NFIB: variants seen among roughly 807,000 people sequenced by gnomAD.
NFIB encodes nuclear factor 1 B-type.
A neutral mutation model predicts 61.5 loss-of-function variants in NFIB; 11 were observed. The observed-to-expected ratio is 0.18, with a 90% CI of 0.11 to 0.30. The LOEUF (loss-of-function observed/expected upper bound fraction) is 0.30, where lower values mean the gene tolerates loss of function less well. NFIB is among the 10% of genes least tolerant of loss of function. The probability of loss-of-function intolerance (pLI) is 1.00; values close to 1 mark genes in which losing one functional copy is unlikely to be tolerated. For synonymous variants in NFIB, 260 were observed against 216.5 expected, an observed-to-expected ratio of 1.20 and a Z score of -1.76; for missense variants, 471 against 608.9, an observed-to-expected ratio of 0.77 and a Z score of 2.38.
At chr9:14,526,882 G>C in the NFIB span, among the ~76,000 whole-genome samples, 1 of 152,090 alleles carries the variant, frequency 6.6e-6, no homozygotes, top group Non-Finnish European at 1.5e-5. Flanking sequence ...AAAAGAACTG[G>C]AAAAGAGGAT....
At position 14,120,661 on chromosome 9, in the gene NFIB, C is replaced by G. The variant is rs768487391; in HGVS notation, c.1061-37G>C. The G allele has an allele frequency of 1.3e-6, 2 of 1,545,834 alleles. No individual in the cohort carries two copies. Among genetic ancestry groups the G allele is most frequent in the African/African-American group, 1.4e-5 (1 of 72,580 alleles). ...AGAAAAGGAAAGATTGACTCATCAG[C>G]TGGTTACCTTATTGCTCCATTCTGA... is the stretch of plus-strand genomic sequence containing the variant. On this transcript the variant is annotated intron_variant, in intron 7 of 10. Transcript: ENST00000380953. The surrounding 1 kb of genome is among the most constrained non-coding windows in gnomAD (Gnocchi z 4.4).
intron 2 of NFIB, chr9:14,205,109 G>A (rs559858378): frequency 6.3e-6 from 1 of 158,024 alleles, no homozygotes; most frequent in South Asian, 1.8e-4. Context: ...AACATCTGAG[G>A]AATTAACTAT....
At chr9:14,263,862 T>C (rs969393209) in intron 2 of NFIB, among the ~76,000 whole-genome samples, 6 of 152,204 alleles carry the variant, frequency 3.9e-5, no homozygotes, top group African/African-American at 1.2e-4. Flanking sequence ...TGGCAGTTAC[T>C]TATCCTCCTC....
At chr9:14,363,241 G>A (rs1029048077) in intron 1 of NFIB, among the ~76,000 whole-genome samples, 8 of 152,138 alleles carry the variant, frequency 5.3e-5, no homozygotes, top group Non-Finnish European at 8.8e-5. Flanking sequence ...TCACCACTGG[G>A]ACTGAGACTA....
intron 10 of NFIB, among the ~76,000 whole-genome samples, chr9:14,088,698 G>C (rs1400485647): frequency 6.6e-6 from 1 of 151,972 alleles, no homozygotes; most frequent in Non-Finnish European, 1.5e-5. Context: ...GCAATCTGTT[G>C]GTACCAATAT....
rs916456263 is a variant in NFIB at position 14,321,924 on chromosome 9, A to G, written c.109-14404T>C. 1.5e-5 allele frequency: 19 copies of G among 1,231,620 alleles called. No individual in the cohort carries two copies. In the African/African-American group the frequency reaches 2.8e-4, roughly 18 times the overall value. The allele number at this position is 1,231,620 out of a possible 1,614,324, so 76.3% of individuals were successfully genotyped here. On this transcript the variant is annotated intron_variant, in intron 1 of 8. Coordinates refer to the NFIB transcript ENST00000380934. Reference sequence around the variant, plus strand: ...ATAAAAGAAGCAAACAAAACCCATCAGTTCAAAGCCACATACCATCGCACT... The same window carrying G: ...ATAAAAGAAGCAAACAAAACCCATCGGTTCAAAGCCACATACCATCGCACT...
chr9:14,151,268 G>A (rs2042842883), intron 4 of NFIB, among the ~76,000 whole-genome samples: 1 of 152,114 alleles, frequency 6.6e-6, no homozygotes, highest in Non-Finnish European at 1.5e-5. Context: ...TGGTAGACTG[G>A]AATGGTTAGC....
At chr9:14,175,331 G>A (rs1478143913) in intron 3 of NFIB, among the ~76,000 whole-genome samples, 4 of 151,430 alleles carry the variant, frequency 2.6e-5, no homozygotes, top group East Asian at 3.9e-4. Context: ...CCGCCACCAT[G>A]CCCGGCTAAT....
At chr9:14,186,255 C>G (rs1253230538) in intron 2 of NFIB, among the ~76,000 whole-genome samples, 1 of 152,116 alleles carries the variant, frequency 6.6e-6, no homozygotes, top group African/African-American at 2.4e-5. Flanking sequence ...ACCTGTTAAC[C>G]TACAGATAGC....
At chr9:14,452,318 A>C in the NFIB span, among the ~76,000 whole-genome samples, 1 of 151,886 alleles carries the variant, frequency 6.6e-6, no homozygotes, top group Non-Finnish European at 1.5e-5. Flanking sequence ...TTTACATTAA[A>C]AAATAAAAGA....
At chr9:14,504,449 C>G in the NFIB span, among the ~76,000 whole-genome samples, 1 of 152,162 alleles carries the variant, frequency 6.6e-6, no homozygotes. Context: ...ATTGATTCTA[C>G]CCATTCATGA....
chr9:14,390,480 T>A (rs6474830), intron 1 of NFIB, among the ~76,000 whole-genome samples: 62,658 of 151,810 alleles, frequency 0.41, 13,996 homozygotes, highest in African/African-American at 0.55. Context: ...TAAACTCAAG[T>A]GTAAGAGTAA....
the NFIB span, among the ~76,000 whole-genome samples, chr9:14,514,646 G>A: frequency 0.47 from 70,976 of 151,898 alleles, 17,329 homozygotes; most frequent in Middle Eastern, 0.59. Context: ...CATATTGCTT[G>A]AGAGATGGCT....
chr9:14,480,668 C>T, the NFIB span, among the ~76,000 whole-genome samples: 4 of 152,214 alleles, frequency 2.6e-5, no homozygotes, highest in East Asian at 3.9e-4. Flanking sequence ...ACAAGTTCCA[C>T]GCTGGCAAAT....
intron 2 of NFIB, among the ~76,000 whole-genome samples, chr9:14,232,589 G>T (rs901381530): frequency 4.6e-5 from 7 of 152,214 alleles, no homozygotes; most frequent in Non-Finnish European, 1.0e-4. Flanking sequence ...GTTGCCAGGT[G>T]TGAGAAACGA....
chr9:14,419,673 C>G, the NFIB span, among the ~76,000 whole-genome samples: 3 of 152,200 alleles, frequency 2.0e-5, no homozygotes, highest in Non-Finnish European at 4.4e-5. Context: ...GTCCTCCCAC[C>G]CCTTCCTCCC....
At chr9:14,432,252 G>A in the NFIB span, among the ~76,000 whole-genome samples, 1 of 152,294 alleles carries the variant, frequency 6.6e-6, no homozygotes, top group South Asian at 2.1e-4. Flanking sequence ...GTTGCTGCTG[G>A]CTGCCATGTT....
rs1266535870 is a variant in NFIB at position 14,398,566 on chromosome 9, AG to A, written c.65del (p.Pro22LeufsTer101). 2 of 1,535,410 alleles carry A rather than the reference AG, an allele frequency of 1.3e-6. No homozygotes were observed. Among genetic ancestry groups the A allele is most frequent in the African/African-American group, 1.4e-5 (1 of 73,084 alleles). ...GAGTTGACATTCTTTTAGGAATCCC[AG>A]GGTTACATTTCAGAACTGCACAGCA... On this transcript the variant is annotated frameshift_variant, in exon 1 of 9. Transcript: ENST00000380934. LOFTEE classifies it high-confidence loss of function.
intron 2 of NFIB, among the ~76,000 whole-genome samples, chr9:14,203,548 C>A (rs564260178): frequency 6.6e-6 from 1 of 152,100 alleles, no homozygotes; most frequent in East Asian, 1.9e-4. Flanking sequence ...TGGCACGGAG[C>A]GACTGCAGTT....
Sources: allele counts gnomAD v4.1 joint callset (sites outside exome capture counted in the v4.1 genomes callset), GRCh38; gene constraint gnomAD v4.1.1; non-coding constraint Gnocchi (gnomAD v3.1); transcripts MANE v1.5; gene names NCBI Gene and HGNC (gene_info 2026-07-23, HGNC 2026-07-21).